Variants in PDSS2 observed in about 807,000 individuals in gnomAD.
The protein encoded by PDSS2 is decaprenyl diphosphate synthase subunit 2, also known as all trans-polyprenyl-diphosphate synthase PDSS2.
A neutral mutation model predicts 44.5 loss-of-function variants in PDSS2; 31 were observed. The ratio of observed to expected loss-of-function variants is 0.70; its 90% CI spans 0.52 to 0.94. The LOEUF (loss-of-function observed/expected upper bound fraction) is 0.94, where lower values mean the gene tolerates loss of function less well. Among genes scored for constraint, PDSS2 ranks in the 40% least tolerant of loss-of-function variants. The pLI, the probability that PDSS2 is intolerant of heterozygous loss-of-function variation, is 0.00. For missense variants in PDSS2, 452 were observed against 482.2 expected (o/e 0.94, Z 0.59); for synonymous variants, 157 against 180.3 (o/e 0.87, Z 1.03).
At chr6:107,168,971 C>T (rs1490365381) in intron 7 of PDSS2, among the ~76,000 whole-genome samples, 5 of 152,040 alleles carry the variant, frequency 3.3e-5, no homozygotes, top group Admixed American at 1.3e-4. Flanking sequence ...TTGCTCTTCT[C>T]GAGGAGTATC....
At chr6:107,293,713 G>A (rs921374707) in intron 2 of PDSS2, among the ~76,000 whole-genome samples, 2 of 152,318 alleles carry the variant, frequency 1.3e-5, no homozygotes, top group Admixed American at 1.3e-4. Context: ...AACCCAGAGA[G>A]TAAACTAGAA....
chr6:107,226,235 G>T (rs1182270073), intron 4 of PDSS2, among the ~76,000 whole-genome samples: 1 of 152,144 alleles, frequency 6.6e-6, no homozygotes, highest in African/African-American at 2.4e-5. Context: ...CGTGAACCTG[G>T]GAGGCAGAGC....
At chr6:107,386,819 C>T (rs1779626584) in intron 1 of PDSS2, among the ~76,000 whole-genome samples, 1 of 152,124 alleles carries the variant, frequency 6.6e-6, no homozygotes, top group Non-Finnish European at 1.5e-5. Context: ...TAAAGATCAC[C>T]TAGCAATCAC....
chr6:107,227,443 C>A (rs986297601), intron 4 of PDSS2, among the ~76,000 whole-genome samples: 2 of 150,844 alleles, frequency 1.3e-5, no homozygotes, highest in Non-Finnish European at 2.9e-5. Context: ...TGTGTGCCAC[C>A]ACACTTGGCT....
chr6:107,336,005 C>CG (rs1777875806), intron 1 of PDSS2, among the ~76,000 whole-genome samples: 2 of 47,460 alleles, frequency 4.2e-5, no homozygotes, highest in South Asian at 5.7e-4. Context: ...GGCTCATGCC[C>CG]GGGGTGGGGG....
At position 107,189,882 on chromosome 6, in the gene PDSS2, C is replaced by A. The variant is rs543112384; in HGVS notation, c.1041+3940G>T. Among the ~76,000 whole-genome samples the A allele has an allele frequency of 1.6e-3, 247 of 152,054 alleles. 2 individuals are homozygous for A. The highest frequency in any genetic ancestry group is 2.9e-3 in the Non-Finnish European group (199 of 67,978). On this transcript the variant is annotated intron_variant, in intron 7 of 7. Transcript: ENST00000369037. ...ATCACCAGTCTGGGTAACAGCGAGA[C>A]CTCGTTCCTTAAAATTAAATAAATA...
At chr6:107,221,236 G>A (rs1389178892) in intron 4 of PDSS2, among the ~76,000 whole-genome samples, 3 of 150,816 alleles carry the variant, frequency 2.0e-5, no homozygotes, top group Non-Finnish European at 4.4e-5. Context: ...CAGCTACTTG[G>A]GAGGCTGAGG....
intron 1 of PDSS2, among the ~76,000 whole-genome samples, chr6:107,335,157 T>C (rs565462831): frequency 3.8e-4 from 55 of 143,632 alleles, no homozygotes; most frequent in African/African-American, 1.3e-3. Flanking sequence ...TGAGACTCTG[T>C]TTCCAAAAAA....
At chr6:107,246,001 T>A (rs1774601386) in intron 3 of PDSS2, among the ~76,000 whole-genome samples, 1 of 152,186 alleles carries the variant, frequency 6.6e-6, no homozygotes, top group African/African-American at 2.4e-5. Flanking sequence ...TGGGAGCAAT[T>A]ACAATGTTAA....
intron 1 of PDSS2, among the ~76,000 whole-genome samples, chr6:107,453,300 T>A (rs1210977974): frequency 6.6e-6 from 1 of 152,192 alleles, no homozygotes; most frequent in African/African-American, 2.4e-5. Flanking sequence ...GAAAGTTTTA[T>A]AGTTTAACAT....
intron 2 of PDSS2, among the ~76,000 whole-genome samples, chr6:107,275,847 C>T (rs902814944): frequency 2.0e-5 from 3 of 152,056 alleles, no homozygotes; most frequent in Non-Finnish European, 4.4e-5. Flanking sequence ...GGTGCAGTGG[C>T]TCATGCCTGT....
intron 1 of PDSS2, among the ~76,000 whole-genome samples, chr6:107,364,896 C>T (rs1457326093): frequency 2.0e-5 from 3 of 152,198 alleles, no homozygotes; most frequent in Non-Finnish European, 4.4e-5. Flanking sequence ...CATCAGAAAC[C>T]ATGGAGACCA....
chr6:107,395,642 TTTTTG>T (rs1301223108), intron 1 of PDSS2, among the ~76,000 whole-genome samples: 1 of 152,202 alleles, frequency 6.6e-6, no homozygotes, highest in African/African-American at 2.4e-5. Flanking sequence ...CTTATGTTGA[TTTTTG>T]TTTTAATTAC....
chr6:107,286,131 C>CAAAATAAAAT (rs1554262533), intron 2 of PDSS2, among the ~76,000 whole-genome samples: 181 of 15,518 alleles, frequency 0.012, 2 homozygotes, highest in South Asian at 0.095. Flanking sequence ...AACTTCGTCG[C>CAAAATAAAAT]AAAATAAAAA....
intron 1 of PDSS2, among the ~76,000 whole-genome samples, chr6:107,355,415 A>G (rs1428644045): frequency 2.0e-5 from 3 of 152,232 alleles, no homozygotes; most frequent in Non-Finnish European, 4.4e-5. Context: ...CAAAGACTGT[A>G]CTAGATTTAT....
intron 2 of PDSS2, among the ~76,000 whole-genome samples, chr6:107,292,582 G>A (rs1439568361): frequency 2.0e-5 from 3 of 152,198 alleles, no homozygotes; most frequent in African/African-American, 7.2e-5. Context: ...CTTTATGCAT[G>A]AACATAATAA....
At chr6:107,297,312 T>C (rs1446087557) in intron 2 of PDSS2, among the ~76,000 whole-genome samples, 1 of 152,078 alleles carries the variant, frequency 6.6e-6, no homozygotes, top group Non-Finnish European at 1.5e-5. Context: ...ACAATATCCC[T>C]CCTTTCCTAG....
chr6:107,345,864 T>C (rs893701579), intron 1 of PDSS2, among the ~76,000 whole-genome samples: 5 of 152,130 alleles, frequency 3.3e-5, no homozygotes, highest in Non-Finnish European at 7.4e-5. Context: ...AAATCGGAAG[T>C]GACAGTGATG....
At chr6:107,410,093 T>G (rs963296275) in intron 1 of PDSS2, among the ~76,000 whole-genome samples, 1 of 152,164 alleles carries the variant, frequency 6.6e-6, no homozygotes, top group Non-Finnish European at 1.5e-5. Context: ...GGAAGCATGC[T>G]GAATGAATAG....
Sources: allele counts gnomAD v4.1 joint callset (sites outside exome capture counted in the v4.1 genomes callset), GRCh38; gene constraint gnomAD v4.1.1; transcripts MANE v1.5; gene names NCBI Gene and HGNC (gene_info 2026-07-23, HGNC 2026-07-21).